NIPAL3: variants seen among roughly 807,000 people sequenced by gnomAD.
NIPAL3 encodes NIPA-like protein 3.
A neutral mutation model predicts 47.2 loss-of-function variants in NIPAL3; 41 were observed. The observed-to-expected ratio is 0.87, with a 90% CI of 0.68 to 1.13. NIPAL3 has a LOEUF of 1.13. Among genes scored for constraint, NIPAL3 ranks in the 50% most tolerant of loss-of-function variants. The pLI, the probability that NIPAL3 is intolerant of heterozygous loss-of-function variation, is 0.00. For missense variants in NIPAL3, 449 were observed against 530.1 expected, an observed-to-expected ratio of 0.85 and a Z score of 1.50; for synonymous variants, 194 against 209.6, an observed-to-expected ratio of 0.93 and a Z score of 0.64.
intron 4 of NIPAL3, 87 bp from the exon 5 acceptor site, chr1:24,445,098 A>G: frequency 2.3e-6 from 2 of 879,962 alleles, no homozygotes; most frequent in Non-Finnish European, 3.7e-6. Context: ...CTCCAATGCA[A>G]AGAAGCCACC....
chr1:24,457,785 A>C (rs146563190), intron 8 of NIPAL3: 1 of 533,414 alleles, frequency 1.9e-6, no homozygotes, highest in East Asian at 5.4e-5. Context: ...GTCCCTACCT[A>C]AGAGAATCAC....
At chr1:24,453,031 C>A (rs993879734) in intron 6 of NIPAL3, among the ~76,000 whole-genome samples, 1 of 151,988 alleles carries the variant, frequency 6.6e-6, no homozygotes, top group Non-Finnish European at 1.5e-5. Context: ...GGTTGGTGAA[C>A]AAGTGTCTCC....
chr1:24,435,584 G>A (rs1187967632), intron 2 of NIPAL3, among the ~76,000 whole-genome samples: 1 of 152,152 alleles, frequency 6.6e-6, no homozygotes, highest in Non-Finnish European at 1.5e-5. Context: ...CACCTATATA[G>A]CTCCATCTCT....
At position 24,454,203 on chromosome 1, in the gene NIPAL3, T is replaced by C; in HGVS notation, c.637+699T>C. 2.6e-5 allele frequency: 31 copies of C among 1,197,998 alleles called. No individual in the cohort carries two copies. Among genetic ancestry groups the C allele is most frequent in the Non-Finnish European group, 3.3e-5 (31 of 949,572 alleles). 74.2% of individuals were successfully genotyped at this position (1,197,998 alleles called of 1,614,324 possible). On this transcript the variant is annotated intron_variant, in intron 7 of 11. Coordinates refer to ENST00000374399, the MANE Select transcript of NIPAL3 (RefSeq NM_020448.5). This position sits in a 1 kb window ranked among gnomAD's most constrained non-coding sequence, Gnocchi z 4.1. ...CCCTGTACCTGGCTAGAACTGCATA[T>C]AATTTTATAGCTAAATAGAGCTGTG...
chr1:24,416,372 G>A lies in NIPAL3; in HGVS notation c.-258+468G>A. 4.1e-6 allele frequency: 4 copies of A among 978,682 alleles called. No individual in the cohort carries two copies. The South Asian group carries it at 1.9e-4, about 46-fold the overall frequency. 60.6% of individuals were successfully genotyped at this position (978,682 alleles called of 1,614,324 possible). ...GTGAGCCAAAGCCGAGGAACGGGAA[G>A]CTTGGCAGGGAACTGGCGCTCACCT... On this transcript the variant is annotated intron_variant, in intron 1 of 11. Coordinates refer to ENST00000374399, the MANE Select transcript of NIPAL3 (RefSeq NM_020448.5). This position sits in a 1 kb window ranked among gnomAD's most constrained non-coding sequence, Gnocchi z 4.8.
chr1:24,449,247 CTT>C lies in NIPAL3; in HGVS notation c.395-230_395-229del, dbSNP rs1014223766. 1.1e-4 allele frequency among the ~76,000 whole-genome samples: 17 copies of C among 152,214 alleles called. No homozygotes were observed. The highest frequency in any genetic ancestry group is 4.1e-4 in the African/African-American group (17 of 41,530). ...TCACTTTGGGAGAATTCCTCAAGCA[CTT>C]TTTGTATGCATGTTATACTTCATTA... On this transcript the variant is annotated intron_variant, in intron 5 of 11. Coordinates refer to ENST00000374399, the MANE Select transcript of NIPAL3 (RefSeq NM_020448.5). This position sits in a 1 kb window ranked among gnomAD's most constrained non-coding sequence, Gnocchi z 4.5.
At chr1:24,437,363 A>G (rs550276021) in intron 2 of NIPAL3, among the ~76,000 whole-genome samples, 11 of 152,340 alleles carry the variant, frequency 7.2e-5, no homozygotes, top group African/African-American at 2.6e-4. Flanking sequence ...TGAATAACAT[A>G]TTTCTTTTTA....
intron 5 of NIPAL3, among the ~76,000 whole-genome samples, chr1:24,447,251 A>G (rs1296570710): frequency 2.6e-5 from 4 of 152,224 alleles, no homozygotes; most frequent in African/African-American, 4.8e-5. Flanking sequence ...GATGCCTGCA[A>G]ATCACTTTGA....
At chr1:24,425,729 T>C (rs1268568886) in intron 2 of NIPAL3, among the ~76,000 whole-genome samples, 2 of 152,186 alleles carry the variant, frequency 1.3e-5, no homozygotes, top group African/African-American at 4.8e-5. Context: ...GGGAAAATCA[T>C]GTAATGCCTC....
chr1:24,429,322 G>A (rs1030057289), intron 2 of NIPAL3, among the ~76,000 whole-genome samples: 3 of 141,458 alleles, frequency 2.1e-5, no homozygotes, highest in Non-Finnish European at 4.6e-5. Flanking sequence ...CGAGGCAGGA[G>A]AATGTATTGA....
Position 24,419,619 on chromosome 1 carries a change from C to T in NIPAL3, c.72C>T (p.Ser24=), listed in dbSNP as rs750435540. The change falls in exon 2 of 12, where the codon AGC becomes AGT. Residue 24 remains serine (S), a synonymous_variant. Coordinates refer to ENST00000374399, the MANE Select transcript of NIPAL3 (RefSeq NM_020448.5). The part of the protein sequence containing the change: ...LPPTSSSSAV[S]EASFSYKENL... The stretch of plus-strand genomic sequence containing the variant: ...CCACAAGTAGCTCCAGCGCCGTAAG[C>T]GAGGCCTCCTTCTCCTACAAGGCAA... The T allele has an allele frequency of 2.5e-6, 4 of 1,614,030 alleles. No individual in the cohort carries two copies. The highest frequency in any genetic ancestry group is 2.7e-5 in the African/African-American group (2 of 75,060).
intron 10 of NIPAL3, among the ~76,000 whole-genome samples, chr1:24,462,812 T>A (rs72652583): frequency 3.3e-5 from 5 of 150,900 alleles, no homozygotes; most frequent in Non-Finnish European, 7.4e-5. Flanking sequence ...AGAAGATGAA[T>A]CTTGACCAAG....
chr1:24,446,080 G>A (rs1645649568), intron 5 of NIPAL3, among the ~76,000 whole-genome samples: 1 of 126,858 alleles, frequency 7.9e-6, no homozygotes. Flanking sequence ...GTGTGTGTGT[G>A]TGTGTGTGTG....
chr1:24,447,779 A>G (rs1451209987), intron 5 of NIPAL3, among the ~76,000 whole-genome samples: 1 of 152,240 alleles, frequency 6.6e-6, no homozygotes, highest in African/African-American at 2.4e-5. Context: ...TGACTTGGAA[A>G]AAGAAGGCCC....
At chr1:24,414,238 G>GT (rs1375808506), upstream of NIPAL3, 1 of 151,724 alleles carries the variant, frequency 6.6e-6, no homozygotes, top group African/African-American at 2.4e-5. Context: ...TAGAGACAGG[G>GT]TTTCACCACG....
intron 2 of NIPAL3, among the ~76,000 whole-genome samples, chr1:24,434,094 T>C (rs2148787598): frequency 6.6e-6 from 1 of 152,292 alleles, no homozygotes; most frequent in East Asian, 1.9e-4. Context: ...TCCTTTCTTA[T>C]TACTAATTAT....
chr1:24,439,461 G>A (rs1237909108), intron 2 of NIPAL3, among the ~76,000 whole-genome samples: 1 of 152,070 alleles, frequency 6.6e-6, no homozygotes, highest in Non-Finnish European at 1.5e-5. Context: ...GCAGGAATAA[G>A]AACCAAAATG....
intron 5 of NIPAL3, among the ~76,000 whole-genome samples, chr1:24,445,484 A>G (rs1645614639): frequency 6.6e-6 from 1 of 152,140 alleles, no homozygotes; most frequent in African/African-American, 2.4e-5. Context: ...CCATTGGATC[A>G]ATTTTGAGCA....
At position 24,469,862 on chromosome 1, in the gene NIPAL3, A is replaced by T. The variant is rs1646845666; in HGVS notation, c.*677A>T. 1 of 152,210 alleles carries T rather than the reference A, an allele frequency of 6.6e-6. No individual in the cohort carries two copies. The highest frequency in any genetic ancestry group is 1.5e-5 in the Non-Finnish European group (1 of 68,086). 9.4% of individuals were successfully genotyped at this position (152,210 alleles called of 1,614,324 possible). A position where few individuals can be genotyped will look rare whatever the true frequency, so the allele number is the denominator to read the frequency against. ...GACTACTTGTTTGTCCACCTCCTCC[A>T]CCAAAGGAATTAGGAAGTTAAGAGA... On this transcript the variant is annotated 3_prime_UTR_variant, in exon 12 of 12. Coordinates refer to ENST00000374399, the MANE Select transcript of NIPAL3 (RefSeq NM_020448.5).
Sources: allele counts gnomAD v4.1 joint callset (sites outside exome capture counted in the v4.1 genomes callset), GRCh38; gene constraint gnomAD v4.1.1; non-coding constraint Gnocchi (gnomAD v3.1); transcripts MANE v1.5; gene names NCBI Gene and HGNC (gene_info 2026-07-23, HGNC 2026-07-21).